The following NAA15 variants were observed in gnomAD, a reference collection of about 807,000 sequenced individuals.
NAA15 encodes the protein N-alpha-acetyltransferase 15, NatA auxiliary subunit, also known as N-terminal acetyltransferase.
Under a neutral mutation model 114.0 loss-of-function variants are expected in NAA15, and 34 were observed. That is an observed-to-expected ratio of 0.30 (90% CI 0.23 to 0.40). NAA15 has a LOEUF of 0.40. Ranked by LOEUF, NAA15 falls within the 10% of genes least tolerant of loss-of-function variation. The pLI is 1.00. For synonymous variants in NAA15, 340 were observed against 338.0 expected, an observed-to-expected ratio of 1.01 and a Z score of -0.06; for missense variants, 658 against 1,004.5, an observed-to-expected ratio of 0.66 and a Z score of 4.66.
intron 1 of NAA15, among the ~76,000 whole-genome samples, chr4:139,311,170 A>C (rs1207786369): frequency 6.7e-6 from 1 of 149,140 alleles, no homozygotes; most frequent in Non-Finnish European, 1.5e-5. Context: ...CTTATTTCTT[A>C]CTTTATTCTC....
chr4:139,307,550 A>C (rs1746065047), intron 1 of NAA15, among the ~76,000 whole-genome samples: 1 of 152,230 alleles, frequency 6.6e-6, no homozygotes. Flanking sequence ...TACAGATGTG[A>C]GCTACTGTGC....
At chr4:139,385,206 C>A (rs1748862381) in intron 18 of NAA15, among the ~76,000 whole-genome samples, 1 of 146,808 alleles carries the variant, frequency 6.8e-6, no homozygotes, top group African/African-American at 2.6e-5. Context: ...CACTTGAGCC[C>A]AGGAATTTGA....
chr4:139,331,226 C>CGAAA (rs1205228158), intron 1 of NAA15, among the ~76,000 whole-genome samples: 1 of 152,080 alleles, frequency 6.6e-6, no homozygotes, highest in African/African-American at 2.4e-5. Context: ...CTTGCTTTCC[C>CGAAA]CCTCCAGAAT....
At chr4:139,309,455 G>A (rs28572294) in intron 1 of NAA15, among the ~76,000 whole-genome samples, 32,860 of 150,352 alleles carry the variant, frequency 0.22, 3,902 homozygotes, top group South Asian at 0.37. Context: ...GTGTGTGTGT[G>A]TGTGTGTGTG....
intron 6 of NAA15, among the ~76,000 whole-genome samples, chr4:139,345,034 A>G (rs1003057473): frequency 4.6e-5 from 7 of 152,242 alleles, no homozygotes; most frequent in African/African-American, 1.2e-4. Flanking sequence ...ACCTTCTGAA[A>G]TGCTGCTTTG....
chr4:139,383,043 A>C (rs750491348), intron 17 of NAA15, among the ~76,000 whole-genome samples: 1 of 152,180 alleles, frequency 6.6e-6, no homozygotes, highest in Non-Finnish European at 1.5e-5. Flanking sequence ...TTTGCTTCAC[A>C]TAAGTTATGG....
rs1046444810 is a variant in NAA15 at position 139,357,562 on chromosome 4, ATCT to A, written c.1257+9_1257+11del. The A allele has an allele frequency of 6.4e-7, 1 of 1,566,872 alleles. No homozygotes were observed. Among genetic ancestry groups the A allele is most frequent in the Non-Finnish European group, 8.7e-7 (1 of 1,146,792 alleles). On this transcript the variant is annotated splice_region_variant and intron_variant, in intron 11 of 19. Transcript: ENST00000296543. ...GAAAGCTAAAATCTATAAGGTAAAA[ATCT>A]TTTTTTCTATTTTCTTATAAGGTAA...
Position 139,351,438 on chromosome 4 carries a change from T to G in NAA15, c.908-67T>G, listed in dbSNP as rs1310852794. The G allele has an allele frequency of 3.5e-6, 4 of 1,135,666 alleles. No individual in the cohort carries two copies. The African/African-American group carries it at 6.2e-5, about 17-fold the overall frequency. 70.3% of individuals were successfully genotyped at this position (1,135,666 alleles called of 1,614,324 possible). A position where few individuals can be genotyped will look rare whatever the true frequency, so the allele number is the denominator to read the frequency against. ...CTAAATGTAAGTTGGTAAATGTAAG[T>G]AAATACTTTGGTAAATGTAAGTAAA... On this transcript the variant is annotated intron_variant, in intron 8 of 19. Coordinates refer to ENST00000296543, the MANE Select transcript of NAA15 (RefSeq NM_057175.5).
chr4:139,327,025 T>G (rs1746824980), intron 1 of NAA15, among the ~76,000 whole-genome samples: 1 of 152,106 alleles, frequency 6.6e-6, no homozygotes, highest in Non-Finnish European at 1.5e-5. Context: ...AGCCTCAACC[T>G]CCTAGGCTCA....
At chr4:139,348,283 A>G (rs1272895748) in intron 6 of NAA15, among the ~76,000 whole-genome samples, 1 of 151,972 alleles carries the variant, frequency 6.6e-6, no homozygotes, top group African/African-American at 2.4e-5. Flanking sequence ...GCGAAAACCC[A>G]TCTCTACAAA....
chr4:139,371,065 A>G (rs147068862), intron 15 of NAA15, among the ~76,000 whole-genome samples: 53 of 152,328 alleles, frequency 3.5e-4, no homozygotes, highest in African/African-American at 1.3e-3. Flanking sequence ...TTTTGACCCT[A>G]GACATCTTCC....
intron 1 of NAA15, among the ~76,000 whole-genome samples, chr4:139,331,385 T>A (rs2110888507): frequency 6.6e-6 from 1 of 152,254 alleles, no homozygotes; most frequent in East Asian, 1.9e-4. Flanking sequence ...ATTCACACAT[T>A]TGCCCACTTT....
In NAA15 at chr4:139,301,587, G is replaced by A; in HGVS notation, c.-191G>A. 1 of 636,644 alleles carries A rather than the reference G, an allele frequency of 1.6e-6. No individual in the cohort carries two copies. The highest frequency in any genetic ancestry group is 2.7e-6 in the Non-Finnish European group (1 of 374,748). The allele number at this position is 636,644 out of a possible 1,614,324, so 39.4% of individuals were successfully genotyped here. A position where few individuals can be genotyped will look rare whatever the true frequency, so the allele number is the denominator to read the frequency against. On this transcript the variant is annotated 5_prime_UTR_variant, in exon 1 of 20. Coordinates refer to ENST00000296543, the MANE Select transcript of NAA15 (RefSeq NM_057175.5). ...GGGGGAGGCGGCGGCAGCGTTAAGT[G>A]AGAAAGGAAAAAAGACAACGAGGAA...
chr4:139,340,689 G>C (rs1485064310), intron 3 of NAA15, among the ~76,000 whole-genome samples: 1 of 152,208 alleles, frequency 6.6e-6, no homozygotes, highest in Non-Finnish European at 1.5e-5. Flanking sequence ...AGGTTACAGA[G>C]CTGATAAGGT....
rs376943705 is a variant in NAA15, at chr4:139,337,206, G to A, written c.244+254G>A. Among the ~76,000 whole-genome samples, 277 of 152,276 alleles carry A rather than the reference G, an allele frequency of 1.8e-3. 2 individuals are homozygous for A. The highest frequency in any genetic ancestry group is 6.6e-3 in the African/African-American group (273 of 41,542). ...TGAAAGCTTTTCTCACTCTTAAAAAGGGGGCATTGCTAGGGTCTGAATATT... is the reference window on the plus strand; with the variant it reads ...TGAAAGCTTTTCTCACTCTTAAAAAAGGGGCATTGCTAGGGTCTGAATATT... On this transcript the variant is annotated intron_variant, in intron 3 of 19. Transcript: ENST00000296543.
In NAA15 at chr4:139,374,723, C is replaced by T. The variant is rs137909866; in HGVS notation, c.1948-1642C>T. Reference sequence around the variant, plus strand: ...AGTGTAGATTTCTTGTGGTTATCTACGTATATTTAAACACTTAGATTTACC... The same window carrying T: ...AGTGTAGATTTCTTGTGGTTATCTATGTATATTTAAACACTTAGATTTACC... On this transcript the variant is annotated intron_variant, in intron 15 of 19. Coordinates refer to ENST00000296543, the MANE Select transcript of NAA15 (RefSeq NM_057175.5). 3.2e-3 allele frequency among the ~76,000 whole-genome samples: 466 copies of T among 147,016 alleles called. 3 individuals are homozygous for T. The highest frequency in any genetic ancestry group is 7.0e-3 in the Admixed American group (104 of 14,852).
intron 4 of NAA15, among the ~76,000 whole-genome samples, chr4:139,341,530 C>T (rs576419826): frequency 1.8e-4 from 23 of 126,206 alleles, no homozygotes; most frequent in African/African-American, 6.5e-4. Flanking sequence ...GGAGGTGGAG[C>T]TTGCAGTGAG....
chr4:139,366,028 T>C (rs1748271826), intron 14 of NAA15, among the ~76,000 whole-genome samples: 4 of 152,278 alleles, frequency 2.6e-5, no homozygotes, highest in Admixed American at 2.6e-4. Context: ...AATTTTTTTT[T>C]TTTTTTGCGT....
intron 15 of NAA15, 144 bp downstream of exon 15, chr4:139,370,548 CT>C: frequency 1.4e-6 from 1 of 694,224 alleles, no homozygotes; most frequent in Non-Finnish European, 2.1e-6. Context: ...AGTATTCTTT[CT>C]TTAATATTTT....
Sources: gnomAD v4.1 joint callset for allele counts (sites outside exome capture counted in the v4.1 genomes callset) on GRCh38, gnomAD v4.1.1 for gene constraint, MANE v1.5 for transcripts, NCBI Gene and HGNC (gene_info 2026-07-23, HGNC 2026-07-21) for gene names.